Variants in NLK observed in about 807,000 individuals in gnomAD.
NLK encodes the protein nemo like kinase.
NLK carries 11 observed loss-of-function variants against 59.0 expected under a neutral mutation model. The ratio of observed to expected loss-of-function variants is 0.19; its 90% confidence interval spans 0.12 to 0.31. The LOEUF (loss-of-function observed/expected upper bound fraction) is 0.31. NLK is among the 10% of genes least tolerant of loss of function. The pLI, the probability that NLK is intolerant of heterozygous loss-of-function variation, is 1.00. For missense variants in NLK, 410 were observed against 661.1 expected (o/e 0.62, Z 4.16); for synonymous variants, 235 against 235.9 (o/e 1.00, Z 0.03).
chr17:28,204,996 G>T, the NLK span, among the ~76,000 whole-genome samples: 427 of 152,318 alleles, frequency 2.8e-3, 4 homozygotes, highest in African/African-American at 9.6e-3. Context: ...GACTTTCTAA[G>T]AATGACTCAG....
chr17:28,111,130 T>C lies in NLK; in HGVS notation c.459-11473T>C, dbSNP rs375783246. Among the ~76,000 whole-genome samples, 97 of 152,322 alleles carry C rather than the reference T, an allele frequency of 6.4e-4. 4 individuals carry two copies. The South Asian group carries it at 0.02, about 31-fold the overall frequency. ...TTGAGCATATTTACGATAGCTAGTT[T>C]GGAAGTCTTTTTCTGAATAGGACAT... On this transcript the variant is annotated intron_variant, in intron 1 of 10. Transcript: ENST00000407008.
At chr17:28,111,886 GTGTGTGTGTGGTGTGTGTGTGTGTGT>G (rs1905504362) in intron 1 of NLK, among the ~76,000 whole-genome samples, 1 of 127,642 alleles carries the variant, frequency 7.8e-6, no homozygotes, top group Middle Eastern at 4.3e-3. Flanking sequence ...GTGTGTGTGT[GTGTGTGTGTGGTGTGTGTGTGTGTGT>G]GTGTGTGTGT....
chr17:28,178,906 C>G lies in NLK; in HGVS notation c.1150-6273C>G, dbSNP rs1018256233. Among the ~76,000 whole-genome samples, 3 of 152,142 alleles carry G rather than the reference C, an allele frequency of 2.0e-5. No homozygotes were observed. The East Asian group carries it at 5.8e-4, about 29-fold the overall frequency. ...ATGAAAACTAATAGGAACGTCTGCT[C>G]GGGACACTTGCACGGTCTAGCTGAC... On this transcript the variant is annotated intron_variant, in intron 7 of 10. Coordinates refer to ENST00000407008, the MANE Select transcript of NLK (RefSeq NM_016231.5).
At chr17:28,200,745 A>T (rs560395590), downstream of NLK, among the ~76,000 whole-genome samples, 149 of 152,262 alleles carry the variant, frequency 9.8e-4, no homozygotes, top group Middle Eastern at 0.01. Context: ...TGGCCTCCCA[A>T]ATTGTTGGGA....
intron 1 of NLK, among the ~76,000 whole-genome samples, chr17:28,082,818 T>C (rs1910393217): frequency 6.6e-6 from 1 of 152,232 alleles, no homozygotes; most frequent in Admixed American, 6.5e-5. Context: ...ATATAACATA[T>C]GCAGGTGCAC....
At chr17:28,162,198 G>A (rs1309848019) in intron 4 of NLK, among the ~76,000 whole-genome samples, 1 of 151,962 alleles carries the variant, frequency 6.6e-6, no homozygotes, top group Non-Finnish European at 1.5e-5. Flanking sequence ...TGTATTTTTA[G>A]TAGAGGCAGG....
At chr17:28,200,211 T>C (rs1482966231), downstream of NLK, among the ~76,000 whole-genome samples, 5 of 152,210 alleles carry the variant, frequency 3.3e-5, no homozygotes, top group Non-Finnish European at 2.9e-5. Flanking sequence ...ATGGTTTTGG[T>C]GTCCAGCCTA....
chr17:28,192,952 G>A (rs192555922), intron 10 of NLK, among the ~76,000 whole-genome samples: 60 of 152,284 alleles, frequency 3.9e-4, no homozygotes, highest in African/African-American at 1.1e-3. Flanking sequence ...AAGTCAAAAG[G>A]CATATGGTAG....
intron 1 of NLK, among the ~76,000 whole-genome samples, chr17:28,082,991 G>C (rs1910399036): frequency 6.6e-6 from 1 of 152,126 alleles, no homozygotes; most frequent in South Asian, 2.1e-4. Context: ...GTATGCAGAG[G>C]ACTGTCTATT....
chr17:28,095,423 C>T (rs976812286), intron 1 of NLK, among the ~76,000 whole-genome samples: 2 of 152,006 alleles, frequency 1.3e-5, no homozygotes, highest in Non-Finnish European at 2.9e-5. Flanking sequence ...GTATTACTTT[C>T]TAAAAAAAAT....
chr17:28,095,409 A>C (rs1255077599), intron 1 of NLK, among the ~76,000 whole-genome samples: 3 of 152,138 alleles, frequency 2.0e-5, no homozygotes, highest in Non-Finnish European at 4.4e-5. Flanking sequence ...CATGTGATGG[A>C]ATTGTATTAC....
intron 1 of NLK, among the ~76,000 whole-genome samples, chr17:28,072,224 A>G (rs1291285974): frequency 6.6e-6 from 1 of 151,962 alleles, no homozygotes; most frequent in East Asian, 1.9e-4. Flanking sequence ...TATACAGCAT[A>G]CATTTAAATT....
At chr17:28,065,660 G>A (rs1356629845) in intron 1 of NLK, among the ~76,000 whole-genome samples, 1 of 152,160 alleles carries the variant, frequency 6.6e-6, no homozygotes, top group Non-Finnish European at 1.5e-5. Flanking sequence ...TAGTAGTCTA[G>A]GTGAATGTTC....
intron 1 of NLK, among the ~76,000 whole-genome samples, chr17:28,088,789 A>G (rs1018318434): frequency 6.6e-5 from 10 of 152,120 alleles, no homozygotes; most frequent in Non-Finnish European, 1.3e-4. Flanking sequence ...CATTTCTCCA[A>G]GGTTCCCTTG....
At chr17:28,134,873 G>A (rs1191297890) in intron 3 of NLK, among the ~76,000 whole-genome samples, 2 of 152,232 alleles carry the variant, frequency 1.3e-5, no homozygotes, top group African/African-American at 2.4e-5. Context: ...GAAGGATTGA[G>A]AAAGTTCTTT....
intron 1 of NLK, among the ~76,000 whole-genome samples, chr17:28,098,520 T>A (rs866101630): frequency 2.0e-5 from 3 of 152,176 alleles, no homozygotes; most frequent in South Asian, 2.1e-4. Context: ...TGACATTGAG[T>A]ACGTCTTTAT....
intron 9 of NLK, among the ~76,000 whole-genome samples, chr17:28,191,906 T>C (rs772514357): frequency 6.6e-5 from 10 of 152,232 alleles, no homozygotes; most frequent in Non-Finnish European, 1.5e-4. Context: ...TTGCAGTCTG[T>C]GTAATGCCAC....
rs774987951 is a variant in NLK at position 28,043,077 on chromosome 17, C to T, written c.204C>T (p.Thr68=). 33 of 1,570,766 alleles carry T rather than the reference C, an allele frequency of 2.1e-5. No individual in the cohort carries two copies. The East Asian group carries it at 7.1e-4, about 34-fold the overall frequency. ...AAAVHPVQQH[T]SSAAAAAAAA... ...CTGTACACCCTGTACAGCAGCACAC[C>T]TCTTCGGCAGCTGCGGCAGCCGCAG... The change falls in exon 1 of 11, where the codon ACC becomes ACT. Residue 68 remains threonine, a synonymous_variant. Coordinates refer to ENST00000407008, the MANE Select transcript of NLK (RefSeq NM_016231.5).
rs75474965 is a variant in NLK at position 28,178,729 on chromosome 17, C to T, written c.1149+6111C>T. The stretch of plus-strand genomic sequence containing the variant: ...CAGACTTTAAGGATCTTAGAGAGTT[C>T]ATTCAGTTCAAACTTATTTTATAGG... On this transcript the variant is annotated intron_variant, in intron 7 of 10. Transcript: ENST00000407008. Among the ~76,000 whole-genome samples, 1,139 of 152,312 alleles carry T rather than the reference C, an allele frequency of 7.5e-3. 13 individuals are homozygous for T. The highest frequency in any genetic ancestry group is 0.026 in the African/African-American group (1,097 of 41,550).
Sources: gnomAD v4.1 joint callset for allele counts (sites outside exome capture counted in the v4.1 genomes callset) on GRCh38, gnomAD v4.1.1 for gene constraint, MANE v1.5 for transcripts, NCBI Gene and HGNC (gene_info 2026-07-23, HGNC 2026-07-21) for gene names.